The following MPRIP variants were observed in gnomAD, a reference collection of about 807,000 sequenced individuals.
The protein encoded by MPRIP is myosin phosphatase Rho interacting protein.
MPRIP carries 59 observed loss-of-function variants against 234.9 expected under a neutral mutation model. That is an observed-to-expected ratio of 0.25 (90% CI 0.20 to 0.31). The LOEUF (loss-of-function observed/expected upper bound fraction) is 0.31, where lower values mean the gene tolerates loss of function less well. Among genes scored for constraint, MPRIP ranks in the 10% least tolerant of loss-of-function variants. The pLI is 1.00. For missense variants in MPRIP, 2,436 were observed against 3,071.0 expected (o/e 0.79, Z 4.89); for synonymous variants, 1,144 against 1,263.9 (o/e 0.91, Z 2.01).
intron 3 of MPRIP, among the ~76,000 whole-genome samples, chr17:17,106,598 A>T (rs2090067750): frequency 6.6e-6 from 1 of 152,052 alleles, no homozygotes; most frequent in Admixed American, 6.6e-5. Context: ...AGTGGCTTTG[A>T]CTGGTGAAGG....
chr17:17,102,690 C>G (rs1255290648), intron 3 of MPRIP, among the ~76,000 whole-genome samples: 2 of 152,192 alleles, frequency 1.3e-5, no homozygotes, highest in Non-Finnish European at 2.9e-5. Flanking sequence ...ACACAGGTAC[C>G]CCTCACTCTG....
chr17:17,105,002 G>A (rs2090035785), intron 3 of MPRIP, among the ~76,000 whole-genome samples: 1 of 152,092 alleles, frequency 6.6e-6, no homozygotes, highest in African/African-American at 2.4e-5. Context: ...TTGGTAGAGT[G>A]GTCCCAGGTA....
chr17:17,091,747 G>C (rs1471079530), intron 3 of MPRIP, among the ~76,000 whole-genome samples: 1 of 152,222 alleles, frequency 6.6e-6, no homozygotes, highest in African/African-American at 2.4e-5. Context: ...GTGAGAGGCT[G>C]TGATGAGAGA....
intron 3 of MPRIP, among the ~76,000 whole-genome samples, chr17:17,093,548 T>G (rs925242804): frequency 6.6e-6 from 1 of 152,204 alleles, no homozygotes; most frequent in Non-Finnish European, 1.5e-5. Flanking sequence ...TAGTTACCCT[T>G]GGATCTTACT....
chr17:17,080,432 C>A (rs2089436229), intron 3 of MPRIP, among the ~76,000 whole-genome samples: 1 of 152,216 alleles, frequency 6.6e-6, no homozygotes, highest in African/African-American at 2.4e-5. Flanking sequence ...AGACCTGGAG[C>A]AGGAAAACTC....
At chr17:17,154,210 T>A in intron 12 of MPRIP, 96 bp from the exon 13 acceptor site, 1 of 1,012,440 alleles carries the variant, frequency 9.9e-7, no homozygotes. Flanking sequence ...TTTCTCCCTG[T>A]GGGACTTTAC....
rs1213367281 is a variant in MPRIP, at chr17:17,098,394, A to G, written c.267+20318A>G. Among the ~76,000 whole-genome samples, 3 of 151,706 alleles carry G rather than the reference A, an allele frequency of 2.0e-5. No individual in the cohort carries two copies. In the East Asian group the frequency reaches 5.8e-4, roughly 29 times the overall value. ...TAAAAATATCTGCAAGCCTCTTCCC[A>G]CCCAGGCCTGTCCCCACAGAGCCCA... is the stretch of plus-strand genomic sequence containing the variant. On this transcript the variant is annotated intron_variant, in intron 3 of 23. Transcript: ENST00000651222.
At chr17:17,105,238 C>T (rs1045473330) in intron 3 of MPRIP, among the ~76,000 whole-genome samples, 1 of 152,132 alleles carries the variant, frequency 6.6e-6, no homozygotes, top group African/African-American at 2.4e-5. Context: ...TGGGGCAGGT[C>T]GAGGGCCCAA....
intron 14 of MPRIP, among the ~76,000 whole-genome samples, chr17:17,159,304 C>T (rs1158184250): frequency 6.6e-6 from 1 of 152,240 alleles, no homozygotes; most frequent in Non-Finnish European, 1.5e-5. Flanking sequence ...ATGGTTTCCT[C>T]GTTCTGACTC....
At chr17:17,156,300 C>T (rs2045728399) in intron 13 of MPRIP, among the ~76,000 whole-genome samples, 2 of 152,240 alleles carry the variant, frequency 1.3e-5, no homozygotes, top group Non-Finnish European at 2.9e-5. Flanking sequence ...AATGAGGAGA[C>T]AAGGGTTTGG....
At chr17:17,091,828 T>G (rs2144147753) in intron 3 of MPRIP, among the ~76,000 whole-genome samples, 1 of 152,224 alleles carries the variant, frequency 6.6e-6, no homozygotes, top group East Asian at 1.9e-4. Context: ...TCTTGGGGCC[T>G]CCATTCCGAG....
At chr17:17,152,738 G>A (rs547723229) in intron 12 of MPRIP, among the ~76,000 whole-genome samples, 16 of 152,326 alleles carry the variant, frequency 1.1e-4, no homozygotes, top group Admixed American at 2.6e-4. Flanking sequence ...TCAGTTGTGC[G>A]TTCATGATAC....
intron 3 of MPRIP, among the ~76,000 whole-genome samples, chr17:17,085,765 T>C (rs1313669035): frequency 2.0e-5 from 3 of 152,110 alleles, no homozygotes; most frequent in African/African-American, 7.2e-5. Flanking sequence ...ACAAAAAAAT[T>C]AGCCAGGCAT....
chr17:17,070,462 C>G (rs1356000176), intron 1 of MPRIP, among the ~76,000 whole-genome samples: 2 of 152,032 alleles, frequency 1.3e-5, no homozygotes, highest in Non-Finnish European at 2.9e-5. Context: ...TCTGTTTTTC[C>G]TCTGTTATTA....
chr17:17,172,933 C>CCA, intron 18 of MPRIP, 118 bp downstream of exon 18: 4 of 875,444 alleles, frequency 4.6e-6, no homozygotes, highest in Non-Finnish European at 7.1e-6. Context: ...GCCTGGGGCC[C>CCA]CTGGGTGCTG....
chr17:17,058,876 G>A (rs1479524419), intron 1 of MPRIP, among the ~76,000 whole-genome samples: 9 of 152,168 alleles, frequency 5.9e-5, no homozygotes, highest in African/African-American at 2.2e-4. Context: ...AGTGGGATCA[G>A]CAGGGCTGCT....
chr17:17,127,396 A>G (rs1457406360), intron 4 of MPRIP, among the ~76,000 whole-genome samples: 1 of 152,224 alleles, frequency 6.6e-6, no homozygotes, highest in East Asian at 1.9e-4. Flanking sequence ...GAGAATGGGT[A>G]AGTGTCTCAC....
intron 1 of MPRIP, among the ~76,000 whole-genome samples, chr17:17,057,248 G>A (rs2088727623): frequency 1.3e-5 from 2 of 152,260 alleles, no homozygotes; most frequent in South Asian, 2.1e-4. Flanking sequence ...TGGAAACTGG[G>A]TTCCTGGACC....
At chr17:17,083,511 C>G (rs1036717953) in intron 3 of MPRIP, among the ~76,000 whole-genome samples, 1 of 152,164 alleles carries the variant, frequency 6.6e-6, no homozygotes, top group African/African-American at 2.4e-5. Context: ...AGCAGCCCAA[C>G]GTTGCCTAGG....
Sources: gnomAD v4.1 joint callset for allele counts (sites outside exome capture counted in the v4.1 genomes callset) on GRCh38, gnomAD v4.1.1 for gene constraint, MANE v1.5 for transcripts, NCBI Gene and HGNC (gene_info 2026-07-23, HGNC 2026-07-21) for gene names.